CDK5RAP2: variants seen among roughly 807,000 people sequenced by gnomAD.
CDK5RAP2 encodes the protein CDK5 regulatory subunit-associated protein 2.
A neutral mutation model predicts 232.9 loss-of-function variants in CDK5RAP2; 147 were observed. The observed-to-expected ratio is 0.63, with a 90% confidence interval of 0.55 to 0.72. The LOEUF is 0.72. Ranked by LOEUF, CDK5RAP2 falls within the 30% of genes least tolerant of loss-of-function variation. CDK5RAP2 has a pLI of 0.00. For missense variants in CDK5RAP2, 2,195 were observed against 2,231.5 expected (o/e 0.98, Z 0.33); for synonymous variants, 833 against 833.7 (o/e 1.00, Z 0.01).
chr9:120,403,167 G>A lies in CDK5RAP2; in HGVS notation c.5042-96C>T. Reference sequence around the variant, plus strand: ...GAAGCTAGCTAGGAGGGCTAGAAGAGGCCCTCGTGCCCAAATGCCACCCAA... The same window carrying A: ...GAAGCTAGCTAGGAGGGCTAGAAGAAGCCCTCGTGCCCAAATGCCACCCAA... On this transcript the variant is annotated intron_variant, in intron 33 of 37. Transcript: ENST00000349780. The surrounding 1 kb of genome is among the most constrained non-coding windows in gnomAD (Gnocchi z 4.2). 1 of 1,335,592 alleles carries A rather than the reference G, an allele frequency of 7.5e-7. No individual in the cohort carries two copies. 82.7% of individuals were successfully genotyped at this position (1,335,592 alleles called of 1,614,324 possible). A position where few individuals can be genotyped will look rare whatever the true frequency, so the allele number is the denominator to read the frequency against.
intron 21 of CDK5RAP2, among the ~76,000 whole-genome samples, chr9:120,450,450 T>C (rs1221315346): frequency 6.6e-6 from 1 of 152,148 alleles, no homozygotes; most frequent in African/African-American, 2.4e-5. Flanking sequence ...ACTCTGTGAA[T>C]AGACTAAAAA....
chr9:120,472,019 A>G, intron 15 of CDK5RAP2, 141 bp from the exon 16 acceptor site: 4 of 1,088,852 alleles, frequency 3.7e-6, no homozygotes, highest in African/African-American at 1.6e-5. Context: ...TACTATAGAG[A>G]ATTTTAAATA....
rs895669750 is a variant in CDK5RAP2, at chr9:120,409,143, C to T, written c.4588G>A (p.Gly1530Ser). The T allele has an allele frequency of 2.0e-5, 33 of 1,612,040 alleles. No individual in the cohort carries two copies. Among genetic ancestry groups the T allele is most frequent in the South Asian group, 3.3e-5 (3 of 91,010 alleles). The part of the protein sequence containing the change: ...QQLIQEVRCS[G>S]QELSRVQEEV... ...AGCCACTACCTGCTCAGCTCCTGGCCGCTGCAGCGGACCTCCTGGATCAGC... is the reference window on the plus strand; with the variant it reads ...AGCCACTACCTGCTCAGCTCCTGGCTGCTGCAGCGGACCTCCTGGATCAGC... Residue 1530 changes from glycine to serine, a missense_variant, in exon 30 of 38, where the codon GGC becomes AGC. Transcript: ENST00000349780.
At chr9:120,407,609 C>T (rs1323016405) in intron 31 of CDK5RAP2, 1 of 210,310 alleles carries the variant, frequency 4.8e-6, no homozygotes, top group African/African-American at 2.3e-5. Flanking sequence ...GACACAACAG[C>T]AAGAATAAAA....
chr9:120,491,590 G>A, intron 12 of CDK5RAP2, 113 bp from the exon 13 acceptor site: 2 of 714,196 alleles, frequency 2.8e-6, no homozygotes. Context: ...TGTATTTAAG[G>A]GAGTATACAA....
At chr9:120,516,094 C>T (rs1461159921) in intron 12 of CDK5RAP2, among the ~76,000 whole-genome samples, 3 of 152,062 alleles carry the variant, frequency 2.0e-5, no homozygotes, top group Non-Finnish European at 4.4e-5. Context: ...CTATTCACAA[C>T]AGCAAAGACT....
At chr9:120,391,372 A>G (rs1387068439) in intron 36 of CDK5RAP2, among the ~76,000 whole-genome samples, 1 of 152,010 alleles carries the variant, frequency 6.6e-6, no homozygotes, top group Admixed American at 6.5e-5. Context: ...GCGACAAAGG[A>G]CTCGTCCCAA....
intron 5 of CDK5RAP2, 77 bp downstream of exon 5, chr9:120,545,637 G>T: frequency 9.2e-7 from 1 of 1,084,238 alleles, no homozygotes; most frequent in Non-Finnish European, 1.4e-6. Context: ...AACTGTCTTA[G>T]AAAAGTGTAC....
chr9:120,454,022 C>A, intron 20 of CDK5RAP2, 149 bp from the exon 21 acceptor site: 1 of 781,038 alleles, frequency 1.3e-6, no homozygotes, highest in Non-Finnish European at 2.2e-6. Context: ...CCAGGGCCCA[C>A]ATCCAGTATT....
In CDK5RAP2 at chr9:120,497,421, T is replaced by TAAAAAAAAAAAAAAAAAAAAAAAA. The variant is rs71385064; in HGVS notation, c.1312-5968_1312-5945dup. Among the ~76,000 whole-genome samples the TAAAAAAAAAAAAAAAAAAAAAAAA allele has an allele frequency of 1.8e-3, 43 of 23,298 alleles. 3 individuals carry two copies. The highest frequency in any genetic ancestry group is 2.6e-3 in the Admixed American group (3 of 1,150). 15.3% of individuals were successfully genotyped at this position (23,298 alleles called of 152,430 possible). A position where few individuals can be genotyped will look rare whatever the true frequency, so the allele number is the denominator to read the frequency against. On this transcript the variant is annotated intron_variant, in intron 12 of 37. Coordinates refer to ENST00000349780, the MANE Select transcript of CDK5RAP2 (RefSeq NM_018249.6). Reference sequence around the variant, plus strand: ...AGAATTATCAATAAAAAAATAAATTTAAAAAAAAAAAAAAAAAAAAAAAAA... The same window carrying TAAAAAAAAAAAAAAAAAAAAAAAA: ...AGAATTATCAATAAAAAAATAAATTTAAAAAAAAAAAAAAAAAAAAAAAAAAAAAAAAAAAAAAAAAAAAAAAAA...
At chr9:120,486,003 G>A (rs1016641169) in intron 14 of CDK5RAP2, among the ~76,000 whole-genome samples, 5 of 152,176 alleles carry the variant, frequency 3.3e-5, no homozygotes, top group African/African-American at 9.6e-5. Flanking sequence ...ATACCCCCAG[G>A]ACAAGCTCTG....
At chr9:120,553,648 T>C (rs1342981641) in intron 3 of CDK5RAP2, among the ~76,000 whole-genome samples, 1 of 152,250 alleles carries the variant, frequency 6.6e-6, no homozygotes, top group Non-Finnish European at 1.5e-5. Flanking sequence ...ATGTACCATG[T>C]CTTGGCTTTG....
Position 120,559,846 on chromosome 9 carries a change from T to C in CDK5RAP2, c.195+8475A>G, listed in dbSNP as rs182711184. 2.4e-3 allele frequency among the ~76,000 whole-genome samples: 361 copies of C among 152,046 alleles called. 2 individuals are homozygous for C. Among genetic ancestry groups the C allele is most frequent in the African/African-American group, 8.1e-3 (337 of 41,432 alleles). The stretch of plus-strand genomic sequence containing the variant: ...GGCCCCAGCTTAGCGGCAGGAAAAA[T>C]TTTGCAGGAGCTACTAGTCAGTCAT... On this transcript the variant is annotated intron_variant, in intron 3 of 37. Coordinates refer to ENST00000349780, the MANE Select transcript of CDK5RAP2 (RefSeq NM_018249.6).
At chr9:120,525,666 A>C (rs1348570649) in intron 10 of CDK5RAP2, among the ~76,000 whole-genome samples, 1 of 151,966 alleles carries the variant, frequency 6.6e-6, no homozygotes, top group East Asian at 1.9e-4. Context: ...CACCCAGGCT[A>C]GAGTGCAGTG....
At position 120,437,497 on chromosome 9, in the gene CDK5RAP2, C is replaced by T. The variant is rs745439213; in HGVS notation, c.3753G>A (p.Arg1251=). 55 of 1,613,808 alleles carry T rather than the reference C, an allele frequency of 3.4e-5. No individual in the cohort carries two copies. The highest frequency in any genetic ancestry group is 4.6e-5 in the Non-Finnish European group (54 of 1,179,892). Residue 1251 remains arginine, a synonymous_variant, in exon 25 of 38, where the codon AGG becomes AGA. Transcript: ENST00000349780. ...RYDSLVQSQA[R]ELSLQRQQIK... is the part of the protein sequence containing the mutation. ...TCTGCTGCCGTTGAAGGGAGAGCTC[C>T]CTGGCTTGGGACTGAACTAATGAAT... is the stretch of plus-strand genomic sequence containing the variant.
At position 120,415,152 on chromosome 9, in the gene CDK5RAP2, T is replaced by C. The variant is rs2034135983; in HGVS notation, c.4185A>G (p.Leu1395=). 6.2e-7 allele frequency: 1 copy of C among 1,613,914 alleles called. No individual in the cohort carries two copies. Among genetic ancestry groups the C allele is most frequent in the South Asian group, 1.1e-5 (1 of 91,090 alleles). Residue 1395 remains leucine, a synonymous_variant, in exon 28 of 38, where the codon CTA becomes CTG. Coordinates refer to ENST00000349780, the MANE Select transcript of CDK5RAP2 (RefSeq NM_018249.6). The part of the protein sequence containing the change: ...VMVNSFSQDL[L]MEHIQEIRTL... The stretch of plus-strand genomic sequence containing the variant: ...TTCGAATTTCCTGTATGTGTTCCAT[T>C]AGTAAGTCTACAGGAAGGAAGCCAT...
Position 120,403,557 on chromosome 9 carries a change from AC to A in CDK5RAP2, c.5041+478del, listed in dbSNP as rs2033218533. On this transcript the variant is annotated intron_variant, in intron 33 of 37. Transcript: ENST00000349780. The surrounding 1 kb of genome is among the most constrained non-coding windows in gnomAD (Gnocchi z 4.2). ...ATTACACGAATGATGAGTCATTCTG[AC>A]CAAGGACAGCAGCAAAGGCATGTCA... is the stretch of plus-strand genomic sequence containing the variant. 3.6e-6 allele frequency: 1 copy of A among 277,704 alleles called. No homozygotes were observed. The highest frequency in any genetic ancestry group is 7.0e-6 in the Non-Finnish European group (1 of 143,304). 17.2% of individuals were successfully genotyped at this position (277,704 alleles called of 1,614,324 possible).
rs549502710 is a variant in CDK5RAP2 at position 120,501,165 on chromosome 9, A to T, written c.1312-9688T>A. ...GCCCTCTTCTCCTGTGGCTCTCCGC[A>T]GCCAGTTCTGCTCCAGCAACCCTGG... On this transcript the variant is annotated intron_variant, in intron 12 of 37. Transcript: ENST00000349780. 1.3e-3 allele frequency among the ~76,000 whole-genome samples: 197 copies of T among 152,284 alleles called. 2 individuals are homozygous for T. Among genetic ancestry groups the T allele is most frequent in the African/African-American group, 4.1e-3 (169 of 41,538 alleles).
At chr9:120,545,170 C>T (rs1340659099) in intron 5 of CDK5RAP2, among the ~76,000 whole-genome samples, 2 of 152,154 alleles carry the variant, frequency 1.3e-5, no homozygotes, top group Non-Finnish European at 2.9e-5. Context: ...GAAGCCCCAT[C>T]CTCTGTCTCC....
Sources: gnomAD v4.1 joint callset for allele counts (sites outside exome capture counted in the v4.1 genomes callset) on GRCh38, gnomAD v4.1.1 for gene constraint, Gnocchi (gnomAD v3.1) non-coding constraint, MANE v1.5 for transcripts, NCBI Gene and HGNC (gene_info 2026-07-23, HGNC 2026-07-21) for gene names.